The following DNAJC1 variants were observed in gnomAD, a reference collection of about 807,000 sequenced individuals.
The protein encoded by DNAJC1 is dnaJ homolog subfamily C member 1.
DNAJC1 carries 58 observed loss-of-function variants against 76.6 expected under a neutral mutation model. The ratio of observed to expected loss-of-function variants is 0.76; its 90% CI spans 0.61 to 0.94. The LOEUF is 0.94. Among genes scored for constraint, DNAJC1 ranks in the 40% least tolerant of loss-of-function variants. DNAJC1 has a pLI of 0.00. For missense variants in DNAJC1, 689 were observed against 677.3 expected (o/e 1.02, Z -0.19); for synonymous variants, 258 against 267.9 (o/e 0.96, Z 0.36).
chr10:21,952,424 G>T (rs537988259), intron 1 of DNAJC1, among the ~76,000 whole-genome samples: 1 of 151,996 alleles, frequency 6.6e-6, no homozygotes, highest in Non-Finnish European at 1.5e-5. Flanking sequence ...TTGTGTACTA[G>T]TAGAAAAGTA....
At chr10:21,830,586 C>G (rs960081886) in intron 8 of DNAJC1, among the ~76,000 whole-genome samples, 7 of 152,118 alleles carry the variant, frequency 4.6e-5, no homozygotes, top group African/African-American at 1.7e-4. Context: ...TCATCCTGTT[C>G]AGTATACTAT....
intron 7 of DNAJC1, among the ~76,000 whole-genome samples, chr10:21,891,726 C>A (rs955870685): frequency 1.3e-5 from 2 of 152,156 alleles, no homozygotes; most frequent in African/African-American, 4.8e-5. Flanking sequence ...AATATCTTAC[C>A]GGCATGAAGG....
At chr10:21,949,512 G>T (rs1337704824) in intron 1 of DNAJC1, among the ~76,000 whole-genome samples, 1 of 148,580 alleles carries the variant, frequency 6.7e-6, no homozygotes, top group East Asian at 2.0e-4. Flanking sequence ...TGCCTCCAGA[G>T]TTCAAGTGAT....
At chr10:21,770,750 T>A (rs1280322141) in intron 9 of DNAJC1, among the ~76,000 whole-genome samples, 3 of 152,212 alleles carry the variant, frequency 2.0e-5, no homozygotes, top group Non-Finnish European at 4.4e-5. Context: ...TTATCAGACA[T>A]AAGATGTGCA....
At chr10:21,947,497 G>C (rs1300456258) in intron 1 of DNAJC1, among the ~76,000 whole-genome samples, 3 of 152,200 alleles carry the variant, frequency 2.0e-5, no homozygotes, top group East Asian at 3.9e-4. Context: ...TTAATGAATA[G>C]TAAGTATATT....
intron 9 of DNAJC1, among the ~76,000 whole-genome samples, chr10:21,805,384 G>A (rs1834871262): frequency 6.7e-6 from 1 of 150,126 alleles, no homozygotes; most frequent in Non-Finnish European, 1.5e-5. Context: ...AGCATCTAAA[G>A]CATTAAGTCA....
chr10:21,878,975 T>G (rs1836229848), intron 8 of DNAJC1, among the ~76,000 whole-genome samples: 1 of 152,226 alleles, frequency 6.6e-6, no homozygotes. Context: ...TATGCAATTA[T>G]GAATAAATCT....
intron 6 of DNAJC1, among the ~76,000 whole-genome samples, chr10:21,915,597 T>C (rs1836939439): frequency 6.6e-6 from 1 of 152,202 alleles, no homozygotes; most frequent in African/African-American, 2.4e-5. Flanking sequence ...TCTTTTAACT[T>C]ACATGTGCTT....
chr10:21,904,477 T>A, intron 7 of DNAJC1, 45 bp downstream of exon 7: 1 of 1,212,940 alleles, frequency 8.2e-7, no homozygotes, highest in Non-Finnish European at 1.1e-6. Flanking sequence ...ATTTAAATAA[T>A]TAATTTTATA....
At chr10:21,791,451 T>A (rs975140647) in intron 9 of DNAJC1, among the ~76,000 whole-genome samples, 18 of 151,408 alleles carry the variant, frequency 1.2e-4, no homozygotes, top group Non-Finnish European at 2.1e-4. Flanking sequence ...ATTCTTCTCA[T>A]CAGCTCATGG....
chr10:21,813,176 CT>C (rs1283710406), intron 8 of DNAJC1, among the ~76,000 whole-genome samples: 39 of 11,046 alleles, frequency 3.5e-3, no homozygotes, highest in Non-Finnish European at 4.5e-3. Context: ...CTCTCTCTCC[CT>C]CTCTCTCTCT....
At chr10:21,860,240 A>C (rs569283698) in intron 8 of DNAJC1, among the ~76,000 whole-genome samples, 6 of 152,230 alleles carry the variant, frequency 3.9e-5, no homozygotes, top group South Asian at 4.2e-4. Context: ...ATAAGAGGAA[A>C]ACTTCATGTT....
At chr10:21,881,939 G>A (rs1401740506) in intron 8 of DNAJC1, among the ~76,000 whole-genome samples, 4 of 151,392 alleles carry the variant, frequency 2.6e-5, no homozygotes, top group African/African-American at 9.7e-5. Context: ...CAGATCATGA[G>A]GTCAGAAGAT....
intron 9 of DNAJC1, among the ~76,000 whole-genome samples, chr10:21,769,909 C>T (rs1214564847): frequency 6.6e-6 from 1 of 152,174 alleles, no homozygotes; most frequent in Non-Finnish European, 1.5e-5. Context: ...TGGTCTTGAA[C>T]TCCCAGCCTC....
intron 9 of DNAJC1, among the ~76,000 whole-genome samples, chr10:21,782,267 A>G (rs1834541563): frequency 6.6e-6 from 1 of 152,212 alleles, no homozygotes; most frequent in Non-Finnish European, 1.5e-5. Context: ...AAACACCGCT[A>G]TGCAAATAAA....
intron 7 of DNAJC1, among the ~76,000 whole-genome samples, chr10:21,889,060 A>C (rs1836416618): frequency 6.6e-6 from 1 of 152,198 alleles, no homozygotes; most frequent in African/African-American, 2.4e-5. Context: ...TGGGTAACTG[A>C]TAAAGAAAAG....
At chr10:21,883,414 A>G (rs1212157991) in intron 7 of DNAJC1, among the ~76,000 whole-genome samples, 1 of 152,180 alleles carries the variant, frequency 6.6e-6, no homozygotes, top group East Asian at 1.9e-4. Context: ...GTGTATTTGC[A>G]TGTACTATAC....
chr10:21,786,947 A>G (rs1225575240), intron 9 of DNAJC1, among the ~76,000 whole-genome samples: 1 of 152,198 alleles, frequency 6.6e-6, no homozygotes, highest in African/African-American at 2.4e-5. Flanking sequence ...AAATAATATT[A>G]ACAACCTTAT....
At chr10:21,774,946 T>C (rs1834434118) in intron 9 of DNAJC1, among the ~76,000 whole-genome samples, 1 of 152,196 alleles carries the variant, frequency 6.6e-6, no homozygotes. Flanking sequence ...GGTTTCCTGA[T>C]ACATTGTCAA....
Sources: allele counts gnomAD v4.1 joint callset (sites outside exome capture counted in the v4.1 genomes callset), GRCh38; gene constraint gnomAD v4.1.1; transcripts MANE v1.5; gene names NCBI Gene and HGNC (gene_info 2026-07-23, HGNC 2026-07-21).